TDRD3: variants seen among roughly 807,000 people sequenced by gnomAD.
TDRD3 encodes tudor domain-containing protein 3.
In TDRD3, 45 loss-of-function variants were observed where a neutral mutation model predicts 86.7. The observed-to-expected ratio is 0.52, with a 90% CI of 0.41 to 0.67. The LOEUF (loss-of-function observed/expected upper bound fraction) is 0.67, where lower values mean the gene tolerates loss of function less well. Among genes scored for constraint, TDRD3 ranks in the 30% least tolerant of loss-of-function variants. TDRD3 has a pLI of 0.00. For synonymous variants in TDRD3, 298 were observed against 301.7 expected (o/e 0.99, Z 0.13); for missense variants, 814 against 889.0 (o/e 0.92, Z 1.07).
chr13:60,468,696 A>T (rs1174598115), intron 5 of TDRD3, among the ~76,000 whole-genome samples: 1 of 152,210 alleles, frequency 6.6e-6, no homozygotes, highest in African/African-American at 2.4e-5. Context: ...GGATCTGAGC[A>T]CAATCCAAGA....
chr13:60,404,099 C>G (rs936744320), intron 1 of TDRD3, among the ~76,000 whole-genome samples: 2 of 152,172 alleles, frequency 1.3e-5, no homozygotes, highest in African/African-American at 4.8e-5. Context: ...GGAAGCCTTT[C>G]CAGTACTGAT....
chr13:60,545,308 A>T (rs1957915199), intron 12 of TDRD3, among the ~76,000 whole-genome samples: 1 of 152,144 alleles, frequency 6.6e-6, no homozygotes, highest in African/African-American at 2.4e-5. Context: ...TAATTCGGGA[A>T]GCCCAATATA....
At chr13:60,521,638 G>A (rs982882878) in intron 10 of TDRD3, among the ~76,000 whole-genome samples, 3 of 152,188 alleles carry the variant, frequency 2.0e-5, no homozygotes, top group African/African-American at 7.2e-5. Flanking sequence ...GCTCACGCCT[G>A]TAATCCCAGC....
chr13:60,453,671 TG>T (rs907383741), intron 3 of TDRD3, among the ~76,000 whole-genome samples: 115 of 152,334 alleles, frequency 7.5e-4, no homozygotes, highest in African/African-American at 2.7e-3. Context: ...TGGCTGCTCT[TG>T]GCTAGATCAC....
intron 5 of TDRD3, among the ~76,000 whole-genome samples, chr13:60,474,025 G>A (rs1956129524): frequency 6.6e-6 from 1 of 152,184 alleles, no homozygotes; most frequent in South Asian, 2.1e-4. Flanking sequence ...AGGCCTGACT[G>A]TCTCCCTGTG....
At chr13:60,444,439 T>C (rs1459574327) in intron 2 of TDRD3, among the ~76,000 whole-genome samples, 1 of 151,930 alleles carries the variant, frequency 6.6e-6, no homozygotes, top group East Asian at 1.9e-4. Context: ...ATAAAAAGGT[T>C]ACCTAAAGAA....
chr13:60,510,841 A>T, intron 10 of TDRD3, 86 bp downstream of exon 10: 1 of 1,280,232 alleles, frequency 7.8e-7, no homozygotes, highest in Middle Eastern at 2.1e-4. Context: ...TTAAAAGACC[A>T]AACTTTATTT....
At chr13:60,498,131 T>C (rs1956755859) in intron 8 of TDRD3, among the ~76,000 whole-genome samples, 1 of 152,180 alleles carries the variant, frequency 6.6e-6, no homozygotes, top group Non-Finnish European at 1.5e-5. Context: ...GAGATTGGGA[T>C]GGTGGAGTGG....
Position 60,460,380 on chromosome 13 carries a change from C to T in TDRD3, c.193C>T (p.Leu65Phe). The T allele has an allele frequency of 6.3e-7, 1 of 1,596,534 alleles. No homozygotes were observed. The highest frequency in any genetic ancestry group is 2.3e-5 in the East Asian group (1 of 43,772). Reference protein sequence around the residue: ...SDINSGKVEKLEGPCVLQIQK... With the variant: ...SDINSGKVEKFEGPCVLQIQK... Reference sequence around the variant, plus strand: ...TTTTTATTCTTTTCTGTTTTGACAGCTCGAAGGTCCATGTGTTTTGCAAAT... The same window carrying T: ...TTTTTATTCTTTTCTGTTTTGACAGTTCGAAGGTCCATGTGTTTTGCAAAT... The change falls in exon 4 of 14, where the codon CTC (leucine) becomes TTC (phenylalanine). Residue 65 changes from leucine (L) to phenylalanine (F), a missense_variant and splice_region_variant. Transcript: ENST00000377881.
intron 8 of TDRD3, among the ~76,000 whole-genome samples, chr13:60,507,087 C>T (rs1399888743): frequency 6.6e-6 from 1 of 152,016 alleles, no homozygotes; most frequent in Non-Finnish European, 1.5e-5. Context: ...TTTAAACTAA[C>T]AAAGATCAAA....
chr13:60,457,536 T>C (rs1166194669), intron 3 of TDRD3, among the ~76,000 whole-genome samples: 3 of 152,116 alleles, frequency 2.0e-5, no homozygotes, highest in Admixed American at 6.5e-5. Context: ...AAGAGGAAGA[T>C]GAGTGAGGCT....
chr13:60,426,895 G>A (rs1388674621), intron 1 of TDRD3, among the ~76,000 whole-genome samples: 1 of 152,152 alleles, frequency 6.6e-6, no homozygotes, highest in Non-Finnish European at 1.5e-5. Context: ...CCGACTACGC[G>A]CATAGGCTAT....
intron 3 of TDRD3, among the ~76,000 whole-genome samples, chr13:60,458,474 T>C (rs1270571816): frequency 6.6e-6 from 1 of 152,204 alleles, no homozygotes; most frequent in Non-Finnish European, 1.5e-5. Context: ...CTGTGTTGTA[T>C]GGATTGAATA....
chr13:60,531,160 A>C (rs747947947), intron 11 of TDRD3, among the ~76,000 whole-genome samples: 4 of 152,194 alleles, frequency 2.6e-5, no homozygotes, highest in African/African-American at 9.6e-5. Flanking sequence ...TCTCTGGAAA[A>C]GCAAAAGCCT....
intron 1 of TDRD3, among the ~76,000 whole-genome samples, chr13:60,426,532 A>AT (rs1444241397): frequency 6.6e-6 from 1 of 152,234 alleles, no homozygotes; most frequent in Non-Finnish European, 1.5e-5. Context: ...TAAACCTTGA[A>AT]TATACACAAT....
In TDRD3 at chr13:60,563,929, G is replaced by C. The variant is rs1429655164; in HGVS notation, c.2119-3596G>C. ...TGCAGGAAAAACGCAGTTGTAACTT[G>C]TCAAACGCACATTATAGATGAAGTT... On this transcript the variant is annotated intron_variant, in intron 12 of 13. Transcript: ENST00000377881. Among the ~76,000 whole-genome samples, 4 of 152,192 alleles carry C rather than the reference G, an allele frequency of 2.6e-5. No homozygotes were observed. In the East Asian group the frequency reaches 7.7e-4, roughly 29 times the overall value.
intron 1 of TDRD3, among the ~76,000 whole-genome samples, chr13:60,413,404 A>C (rs1253316926): frequency 6.6e-6 from 1 of 152,204 alleles, no homozygotes; most frequent in Non-Finnish European, 1.5e-5. Context: ...AGCTGAGATC[A>C]GTCCTGGTTC....
intron 12 of TDRD3, among the ~76,000 whole-genome samples, chr13:60,561,863 TTTGTTGTTG>T (rs535474569): frequency 5.1e-5 from 6 of 117,346 alleles, no homozygotes; most frequent in South Asian, 3.7e-4. Context: ...GCCCAGGTTT[TTTGTTGTTG>T]TTGTTGTTGT....
Position 60,525,109 on chromosome 13 carries a change from AC to A in TDRD3, c.1142-3254del, listed in dbSNP as rs1242554690. Reference sequence around the variant, plus strand: ...CTCAAAAAAAAAAAAAAAAAAAAAAACCCCACAATTTTCACTTTCTACCTCT... The same window carrying A: ...CTCAAAAAAAAAAAAAAAAAAAAAAACCCACAATTTTCACTTTCTACCTCT... On this transcript the variant is annotated intron_variant, in intron 10 of 13. Coordinates refer to ENST00000377881, the MANE Select transcript of TDRD3 (RefSeq NM_001146070.2). Among the ~76,000 whole-genome samples, 476 of 131,116 alleles carry A rather than the reference AC, an allele frequency of 3.6e-3. 10 individuals carry two copies. Among genetic ancestry groups the A allele is most frequent in the Middle Eastern group, 0.014 (3 of 222 alleles). 86.0% of individuals were successfully genotyped at this position (131,116 alleles called of 152,430 possible).
Sources: gnomAD v4.1 joint callset for allele counts (sites outside exome capture counted in the v4.1 genomes callset) on GRCh38, gnomAD v4.1.1 for gene constraint, MANE v1.5 for transcripts, NCBI Gene and HGNC (gene_info 2026-07-23, HGNC 2026-07-21) for gene names.